The following COL5A2 variants were observed in gnomAD, a reference collection of about 807,000 sequenced individuals.
COL5A2 encodes the protein collagen alpha-2(V) chain.
In COL5A2, 23 loss-of-function variants were observed where a neutral mutation model predicts 208.2. The ratio of observed to expected loss-of-function variants is 0.11; its 90% CI spans 0.08 to 0.16. COL5A2 has a LOEUF of 0.16. Among genes scored for constraint, COL5A2 ranks in the 10% least tolerant of loss-of-function variants. The pLI is 1.00. For synonymous variants in COL5A2, 625 were observed against 628.5 expected, an observed-to-expected ratio of 0.99 and a Z score of 0.08; for missense variants, 1,590 against 1,956.4, an observed-to-expected ratio of 0.81 and a Z score of 3.53.
At chr2:189,076,089 T>C (rs948534369) in intron 16 of COL5A2, among the ~76,000 whole-genome samples, 3 of 152,248 alleles carry the variant, frequency 2.0e-5, no homozygotes, top group African/African-American at 7.2e-5. Flanking sequence ...CTGAGATCTC[T>C]GTTGCAATTG....
At chr2:189,289,316 G>A in the COL5A2 span, among the ~76,000 whole-genome samples, 112 of 151,890 alleles carry the variant, frequency 7.4e-4, no homozygotes, top group African/African-American at 2.6e-3. Context: ...ACTCCAGCCT[G>A]GGCACCCGAT....
intron 35 of COL5A2, 48 bp downstream of exon 35, chr2:189,056,925 T>C (rs200327689): frequency 3.4e-5 from 53 of 1,565,506 alleles, no homozygotes; most frequent in Middle Eastern, 1.7e-4. Flanking sequence ...CATATGATAC[T>C]GTAATGTTGG....
intron 1 of COL5A2, among the ~76,000 whole-genome samples, chr2:189,222,202 A>G (rs1178405301): frequency 6.6e-6 from 1 of 152,182 alleles, no homozygotes; most frequent in African/African-American, 2.4e-5. Context: ...TTTAAGCCAG[A>G]TGTCCACAAA....
chr2:189,084,371 G>A (rs1686604600), intron 11 of COL5A2, among the ~76,000 whole-genome samples: 1 of 152,086 alleles, frequency 6.6e-6, no homozygotes. Flanking sequence ...ATATACTATA[G>A]AATTCTATAT....
chr2:189,051,621 T>C (rs1057208250), intron 41 of COL5A2, 140 bp from the exon 42 acceptor site: 3 of 685,280 alleles, frequency 4.4e-6, no homozygotes, highest in Non-Finnish European at 4.5e-6. Context: ...AGTCATTCTA[T>C]AGGATTTAAA....
chr2:189,127,151 C>T (rs1418381167), intron 1 of COL5A2, among the ~76,000 whole-genome samples: 3 of 151,510 alleles, frequency 2.0e-5, no homozygotes, highest in South Asian at 2.1e-4. Flanking sequence ...TATCCAGAAA[C>T]GATTTGTAAT....
chr2:189,370,701 C>T, the COL5A2 span, among the ~76,000 whole-genome samples: 4 of 152,152 alleles, frequency 2.6e-5, no homozygotes, highest in African/African-American at 9.7e-5. Flanking sequence ...AACACATATA[C>T]TCACATACAT....
chr2:189,154,785 G>C (rs908078558), intron 1 of COL5A2, among the ~76,000 whole-genome samples: 2 of 152,042 alleles, frequency 1.3e-5, no homozygotes, highest in Non-Finnish European at 2.9e-5. Flanking sequence ...TTTTTAAAAG[G>C]AGAATTCTAC....
chr2:189,408,843 T>C, the COL5A2 span, among the ~76,000 whole-genome samples: 1 of 152,188 alleles, frequency 6.6e-6, no homozygotes, highest in African/African-American at 2.4e-5. Context: ...TTTTTTGATA[T>C]AATGAACTGA....
chr2:189,173,142 T>G (rs1261591287), intron 1 of COL5A2, among the ~76,000 whole-genome samples: 1 of 151,766 alleles, frequency 6.6e-6, no homozygotes, highest in Non-Finnish European at 1.5e-5. Context: ...AGATAAATTT[T>G]TTTGTATTTT....
At chr2:189,045,265 T>C (rs941473708) in intron 46 of COL5A2, 33 bp from the exon 47 acceptor site, 1 of 1,499,468 alleles carries the variant, frequency 6.7e-7, no homozygotes, top group African/African-American at 1.4e-5. Context: ...AAAATTGGCA[T>C]GTAAAAAAGA....
At chr2:189,157,072 T>C (rs1389737972) in intron 1 of COL5A2, among the ~76,000 whole-genome samples, 1 of 97,238 alleles carries the variant, frequency 1.0e-5, no homozygotes, top group Non-Finnish European at 2.0e-5. Flanking sequence ...TAGTTAAATA[T>C]TCTGCAAAAT....
chr2:189,206,960 T>A (rs912647796), intron 1 of COL5A2, among the ~76,000 whole-genome samples: 1 of 152,240 alleles, frequency 6.6e-6, no homozygotes. Flanking sequence ...CTTGTAACAT[T>A]GCCAACAATT....
the COL5A2 span, among the ~76,000 whole-genome samples, chr2:189,403,093 T>C: frequency 6.6e-6 from 1 of 152,182 alleles, no homozygotes; most frequent in Non-Finnish European, 1.5e-5. Context: ...CTTTGAGCAG[T>C]GGTTTGTAGC....
At chr2:189,329,934 AAGAG>A in the COL5A2 span, among the ~76,000 whole-genome samples, 1 of 152,110 alleles carries the variant, frequency 6.6e-6, no homozygotes, top group Non-Finnish European at 1.5e-5. Flanking sequence ...TATGAGCGGT[AAGAG>A]AGAGGAAAAA....
chr2:189,377,218 C>T, the COL5A2 span, among the ~76,000 whole-genome samples: 1 of 152,180 alleles, frequency 6.6e-6, no homozygotes, highest in Non-Finnish European at 1.5e-5. Context: ...AAGTCACTCC[C>T]CACCCCACTG....
intron 51 of COL5A2, among the ~76,000 whole-genome samples, chr2:189,038,422 A>G (rs989888894): frequency 6.6e-6 from 1 of 152,094 alleles, no homozygotes; most frequent in Non-Finnish European, 1.5e-5. Flanking sequence ...TTCTTTATCC[A>G]ATCTACCATT....
chr2:189,121,622 C>A (rs983290040), intron 1 of COL5A2, among the ~76,000 whole-genome samples: 1 of 145,394 alleles, frequency 6.9e-6, no homozygotes, highest in Non-Finnish European at 1.5e-5. Context: ...CACACTGGGA[C>A]AAACTATAAA....
At chr2:189,094,990 G>C (rs1686876283) in intron 6 of COL5A2, 1 of 151,988 alleles carries the variant, frequency 6.6e-6, no homozygotes, top group African/African-American at 2.4e-5. Context: ...ATGGGGGATG[G>C]CAGTTTCAAC....
Sources: allele counts gnomAD v4.1 joint callset (sites outside exome capture counted in the v4.1 genomes callset), GRCh38; gene constraint gnomAD v4.1.1; transcripts MANE v1.5; gene names NCBI Gene and HGNC (gene_info 2026-07-23, HGNC 2026-07-21).